Variants in EYA3 observed in about 807,000 individuals in gnomAD.
The protein encoded by EYA3 is EYA transcriptional coactivator and phosphatase 3.
Under a neutral mutation model 80.0 loss-of-function variants are expected in EYA3, and 39 were observed. That is an observed-to-expected ratio of 0.49 (90% CI 0.38 to 0.64). EYA3 has a LOEUF of 0.64. EYA3 is among the 30% of genes least tolerant of loss of function. The pLI is 0.00. For missense variants in EYA3, 523 were observed against 676.1 expected, an observed-to-expected ratio of 0.77 and a Z score of 2.51; for synonymous variants, 206 against 232.8, an observed-to-expected ratio of 0.88 and a Z score of 1.05.
Position 27,972,582 on chromosome 1 carries a change from G to T in EYA3, c.*1884C>A, listed in dbSNP as rs1157815476. 6.6e-6 allele frequency: 1 copy of T among 152,242 alleles called. No individual in the cohort carries two copies. The highest frequency in any genetic ancestry group is 1.5e-5 in the Non-Finnish European group (1 of 68,050). 9.4% of individuals were successfully genotyped at this position (152,242 alleles called of 1,614,324 possible). ...TGGAAATGGGTATGCAGAATCTCTG[G>T]TGACAAGCAATTATAGCTGGGGTTG... On this transcript the variant is annotated 3_prime_UTR_variant, in exon 18 of 18. Coordinates refer to ENST00000373871, the MANE Select transcript of EYA3 (RefSeq NM_001990.4).
chr1:27,977,314 T>C lies in EYA3; in HGVS notation c.1641+1060A>G, dbSNP rs149043017. ...TTATTATAGTTGCTAAGGTTTCCAC[T>C]TAACTGGATGAAGAGTATCAGGGCA... On this transcript the variant is annotated intron_variant, in intron 17 of 17. Transcript: ENST00000373871. The C allele has an allele frequency of 8.0e-4, 1,243 of 1,550,574 alleles. 12 individuals carry two copies. The African/African-American group carries it at 0.015, about 19-fold the overall frequency.
At chr1:28,026,749 G>A (rs1642809722) in intron 7 of EYA3, among the ~76,000 whole-genome samples, 1 of 148,200 alleles carries the variant, frequency 6.7e-6, no homozygotes, top group Non-Finnish European at 1.5e-5. Flanking sequence ...AAGGGGGAGA[G>A]GACAAGGGGA....
chr1:27,977,167 A>G (rs942397389), intron 17 of EYA3: 8 of 1,441,858 alleles, frequency 5.5e-6, no homozygotes, highest in Non-Finnish European at 6.4e-6. Flanking sequence ...GAGGGCAACA[A>G]GAAGCACTTT....
chr1:27,981,756 C>A (rs1639316222), intron 16 of EYA3, among the ~76,000 whole-genome samples: 2 of 145,404 alleles, frequency 1.4e-5, no homozygotes, highest in Non-Finnish European at 3.0e-5. Context: ...CTGGTGAGAC[C>A]CTGTCTCAAA....
At chr1:27,999,862 T>C in intron 12 of EYA3, 98 bp downstream of exon 12, 1 of 858,866 alleles carries the variant, frequency 1.2e-6, no homozygotes, top group Non-Finnish European at 1.8e-6. Context: ...ATATCCACCC[T>C]ATCTAAACAC....
intron 13 of EYA3, among the ~76,000 whole-genome samples, chr1:27,995,153 C>T (rs865939496): frequency 9.9e-5 from 15 of 151,546 alleles, no homozygotes; most frequent in Non-Finnish European, 4.4e-5. Flanking sequence ...GTCTATAATC[C>T]CAGCACTTTG....
intron 7 of EYA3, among the ~76,000 whole-genome samples, chr1:28,025,575 C>A (rs1466207096): frequency 6.6e-6 from 1 of 152,124 alleles, no homozygotes; most frequent in Non-Finnish European, 1.5e-5. Flanking sequence ...CAACATCTAT[C>A]CACTGCTTAG....
chr1:28,024,667 T>C (rs935374308), intron 7 of EYA3, among the ~76,000 whole-genome samples: 5 of 151,902 alleles, frequency 3.3e-5, no homozygotes, highest in Non-Finnish European at 7.4e-5. Flanking sequence ...AAAATATATA[T>C]ATAATTAAAA....
chr1:28,075,842 C>G (rs1426549889), intron 1 of EYA3, among the ~76,000 whole-genome samples: 1 of 152,142 alleles, frequency 6.6e-6, no homozygotes, highest in Non-Finnish European at 1.5e-5. Context: ...CTCACTGTTT[C>G]CTATCTTTCA....
intron 10 of EYA3, 78 bp from the exon 11 acceptor site, chr1:28,004,497 G>A (rs977794741): frequency 9.8e-7 from 1 of 1,023,220 alleles, no homozygotes; most frequent in South Asian, 1.5e-5. Flanking sequence ...AACAGAAAGA[G>A]AACTGGGAAA....
intron 1 of EYA3, among the ~76,000 whole-genome samples, chr1:28,088,318 G>A (rs956253877): frequency 2.0e-5 from 3 of 152,180 alleles, no homozygotes; most frequent in African/African-American, 7.2e-5. Flanking sequence ...AGGCGACAGA[G>A]GCACGGAAGC....
intron 1 of EYA3, among the ~76,000 whole-genome samples, chr1:28,077,342 G>A (rs917886623): frequency 4.6e-5 from 7 of 152,050 alleles, no homozygotes; most frequent in Non-Finnish European, 1.0e-4. Flanking sequence ...CTGACCTCAG[G>A]TGATCCGCCT....
chr1:28,023,845 G>GT (rs1642605192), intron 7 of EYA3, among the ~76,000 whole-genome samples: 2 of 152,280 alleles, frequency 1.3e-5, no homozygotes, highest in African/African-American at 4.8e-5. Context: ...ATATACTAAC[G>GT]TAAGATGTTA....
chr1:27,993,688 C>T, intron 13 of EYA3, 128 bp from the exon 14 acceptor site: 4 of 663,366 alleles, frequency 6.0e-6, no homozygotes, highest in South Asian at 5.3e-5. Context: ...CTTCCTTAAT[C>T]TCTGTATGTC....
chr1:28,076,897 C>T (rs984670067), intron 1 of EYA3, among the ~76,000 whole-genome samples: 2 of 145,560 alleles, frequency 1.4e-5, no homozygotes, highest in Admixed American at 6.9e-5. Flanking sequence ...TGCGCCACCA[C>T]GCCTGGCTAA....
At chr1:28,036,960 G>T (rs1220692627) in intron 5 of EYA3, among the ~76,000 whole-genome samples, 1 of 152,010 alleles carries the variant, frequency 6.6e-6, no homozygotes, top group Non-Finnish European at 1.5e-5. Flanking sequence ...GGGTGTTCTA[G>T]GACAAGAAAA....
At chr1:28,087,933 G>A (rs1223957096) in intron 1 of EYA3, among the ~76,000 whole-genome samples, 1 of 152,188 alleles carries the variant, frequency 6.6e-6, no homozygotes, top group Non-Finnish European at 1.5e-5. Flanking sequence ...CTTCCCCCAG[G>A]CTGGGGAAGT....
intron 4 of EYA3, 144 bp downstream of exon 4, chr1:28,042,427 G>A: frequency 1.5e-6 from 1 of 667,718 alleles, no homozygotes; most frequent in Non-Finnish European, 2.6e-6. Context: ...AGGGCTCAAG[G>A]ATAAACACAC....
intron 7 of EYA3, among the ~76,000 whole-genome samples, chr1:28,020,667 C>CGT (rs56017264): frequency 0.06 from 8,117 of 134,352 alleles, 296 homozygotes; most frequent in South Asian, 0.094. Context: ...TACAGATCAT[C>CGT]GTGTGTGTGT....
Sources: gnomAD v4.1 joint callset for allele counts (sites outside exome capture counted in the v4.1 genomes callset) on GRCh38, gnomAD v4.1.1 for gene constraint, MANE v1.5 for transcripts, NCBI Gene and HGNC (gene_info 2026-07-23, HGNC 2026-07-21) for gene names.